Variants in AGPAT5 observed in about 807,000 individuals in gnomAD.
The protein encoded by AGPAT5 is 1-acyl-sn-glycerol-3-phosphate acyltransferase epsilon.
AGPAT5 carries 46 observed loss-of-function variants against 45.6 expected under a neutral mutation model. That is an observed-to-expected ratio of 1.01 (90% confidence interval 0.80 to 1.29). AGPAT5 has a LOEUF of 1.29. AGPAT5 is among the 50% of genes most tolerant of loss of function. The pLI, the probability that AGPAT5 is intolerant of heterozygous loss-of-function variation, is 0.00. For missense variants in AGPAT5, 673 were observed against 450.7 expected (o/e 1.49, Z -4.47); for synonymous variants, 272 against 167.0 (o/e 1.63, Z -4.85).
chr8:6,713,376 C>A (rs1800218504), intron 1 of AGPAT5, among the ~76,000 whole-genome samples: 1 of 152,092 alleles, frequency 6.6e-6, no homozygotes, highest in African/African-American at 2.4e-5. Flanking sequence ...TGCTAATTCC[C>A]CCTTCTCCAA....
chr8:6,723,389 G>A (rs939169870), intron 1 of AGPAT5, among the ~76,000 whole-genome samples: 1 of 152,188 alleles, frequency 6.6e-6, no homozygotes, highest in African/African-American at 2.4e-5. Context: ...GTCTGGCTGT[G>A]CTGCCCATGC....
chr8:6,750,150 C>G (rs1160927416), intron 6 of AGPAT5, among the ~76,000 whole-genome samples: 1 of 152,244 alleles, frequency 6.6e-6, no homozygotes, highest in East Asian at 1.9e-4. Context: ...TAGCACTGTG[C>G]CTTCTCCTGC....
Position 6,730,756 on chromosome 8 carries a change from T to C in AGPAT5, c.335T>C (p.Leu112Pro), listed in dbSNP as rs372429394. The change falls in exon 3 of 8, where the codon CTA becomes CCA. Residue 112 changes from leucine (L) to proline (P), a missense_variant. Leu to Pro is a moderately conservative substitution (Grantham distance 98, BLOSUM62 -3). Coordinates refer to ENST00000285518, the MANE Select transcript of AGPAT5 (RefSeq NM_018361.5). Reference sequence around the variant, plus strand: ...ATCTTGGCCATCAGGCAGAATGCGCTAGGACATGTGCGCTACGTGCTGAAA... The same window carrying C: ...ATCTTGGCCATCAGGCAGAATGCGCCAGGACATGTGCGCTACGTGCTGAAA... Reference protein sequence around the residue: ...ADILAIRQNALGHVRYVLKEG... With the variant: ...ADILAIRQNAPGHVRYVLKEG... 1.9e-6 allele frequency: 3 copies of C among 1,613,732 alleles called. No homozygotes were observed. The highest frequency in any genetic ancestry group is 2.5e-6 in the Non-Finnish European group (3 of 1,179,684).
At chr8:6,720,787 CTTG>C (rs1404757652) in intron 1 of AGPAT5, among the ~76,000 whole-genome samples, 2 of 152,100 alleles carry the variant, frequency 1.3e-5, no homozygotes, top group African/African-American at 4.8e-5. Flanking sequence ...GGAAAAACCC[CTTG>C]TTGTTTCTTG....
At chr8:6,737,799 C>T (rs941916834) in intron 4 of AGPAT5, among the ~76,000 whole-genome samples, 3 of 152,148 alleles carry the variant, frequency 2.0e-5, no homozygotes, top group Admixed American at 2.0e-4. Flanking sequence ...GGATAACTTG[C>T]TATAGCTTAT....
chr8:6,742,123 T>G (rs145544786), intron 5 of AGPAT5, among the ~76,000 whole-genome samples: 23 of 152,328 alleles, frequency 1.5e-4, no homozygotes, highest in African/African-American at 5.0e-4. Context: ...TCCAAACTCG[T>G]ACTTTTATTA....
chr8:6,738,185 A>G (rs971734212), intron 4 of AGPAT5, among the ~76,000 whole-genome samples: 8 of 151,662 alleles, frequency 5.3e-5, no homozygotes, highest in Admixed American at 1.3e-4. Context: ...GGCTTTCAAC[A>G]TACCTTCCTC....
intron 1 of AGPAT5, among the ~76,000 whole-genome samples, chr8:6,711,749 T>G (rs13259999): frequency 0.19 from 28,187 of 152,122 alleles, 2,812 homozygotes; most frequent in East Asian, 0.24. Context: ...TCCGTTCTTG[T>G]GGGTTTCAAC....
chr8:6,731,402 G>C (rs946725176), intron 3 of AGPAT5, among the ~76,000 whole-genome samples: 2 of 152,122 alleles, frequency 1.3e-5, no homozygotes, highest in African/African-American at 2.4e-5. Flanking sequence ...GAATGGGATA[G>C]TATTTGCATA....
chr8:6,710,809 T>C (rs1039626830), intron 1 of AGPAT5, among the ~76,000 whole-genome samples: 1 of 152,198 alleles, frequency 6.6e-6, no homozygotes, highest in Admixed American at 6.5e-5. Context: ...TATAGTGATG[T>C]TCTGTCACCT....
At chr8:6,752,908 T>C (rs144485720) in intron 6 of AGPAT5, among the ~76,000 whole-genome samples, 1 of 152,322 alleles carries the variant, frequency 6.6e-6, no homozygotes, top group Non-Finnish European at 1.5e-5. Context: ...TTCCACTTTG[T>C]CGCATGCTCC....
intron 1 of AGPAT5, among the ~76,000 whole-genome samples, chr8:6,715,618 C>T (rs570564375): frequency 3.8e-4 from 58 of 152,288 alleles, no homozygotes; most frequent in African/African-American, 1.3e-3. Flanking sequence ...GAGTTTCAGG[C>T]ACTTATTTTC....
At chr8:6,756,070 G>T (rs981948118) in intron 7 of AGPAT5, among the ~76,000 whole-genome samples, 4 of 152,140 alleles carry the variant, frequency 2.6e-5, no homozygotes, top group African/African-American at 9.7e-5. Context: ...TATTGCTAGG[G>T]TGTGTGATTT....
chr8:6,721,495 A>T (rs1800496447), intron 1 of AGPAT5, among the ~76,000 whole-genome samples: 1 of 152,230 alleles, frequency 6.6e-6, no homozygotes, highest in African/African-American at 2.4e-5. Context: ...GTGTTGTATG[A>T]AGTAGTTTAC....
chr8:6,754,827 A>G (rs1391200445), intron 6 of AGPAT5, among the ~76,000 whole-genome samples: 1 of 152,182 alleles, frequency 6.6e-6, no homozygotes, highest in Non-Finnish European at 1.5e-5. Flanking sequence ...ATGTAATTGT[A>G]GTTGACTTAG....
At chr8:6,722,830 AT>A (rs113481466) in intron 1 of AGPAT5, among the ~76,000 whole-genome samples, 4 of 151,828 alleles carry the variant, frequency 2.6e-5, no homozygotes, top group African/African-American at 7.3e-5. Context: ...GAAAAGAGAA[AT>A]TTTTTTTTCT....
Position 6,709,195 on chromosome 8 carries a change from C to T in AGPAT5, c.219+308C>T, listed in dbSNP as rs1217334168. On this transcript the variant is annotated intron_variant, in intron 1 of 7. Coordinates refer to ENST00000285518, the MANE Select transcript of AGPAT5 (RefSeq NM_018361.5). Reference sequence around the variant, plus strand: ...CAGATGCACGTTTTAAATAATAGGGCACGCGTTTAGCAGTTTCTGGCCTTT... The same window carrying T: ...CAGATGCACGTTTTAAATAATAGGGTACGCGTTTAGCAGTTTCTGGCCTTT... The T allele has an allele frequency of 1.6e-5, 7 of 438,222 alleles. No individual in the cohort carries two copies. The East Asian group carries it at 3.0e-4, about 19-fold the overall frequency. The allele number at this position is 438,222 out of a possible 1,614,324, so 27.1% of individuals were successfully genotyped here.
intron 1 of AGPAT5, among the ~76,000 whole-genome samples, chr8:6,709,765 T>C (rs1800085309): frequency 2.0e-5 from 3 of 152,080 alleles, no homozygotes; most frequent in Admixed American, 6.5e-5. Flanking sequence ...CTGTGGTCAG[T>C]CAGGTACTAT....
In AGPAT5 at chr8:6,730,761, C is replaced by A. The variant is rs552205808; in HGVS notation, c.340C>A (p.His114Asn). 218 of 1,613,554 alleles carry A rather than the reference C, an allele frequency of 1.4e-4. 2 individuals carry two copies. In the South Asian group the frequency reaches 2.2e-3, roughly 17 times the overall value. The change falls in exon 3 of 8, where the codon CAT (histidine) becomes AAT (asparagine). Residue 114 changes from histidine to asparagine, a missense_variant. By Grantham distance (68) the His-to-Asn change is moderately conservative. Transcript: ENST00000285518. Reference sequence around the variant, plus strand: ...GGCCATCAGGCAGAATGCGCTAGGACATGTGCGCTACGTGCTGAAAGAAGG... The same window carrying A: ...GGCCATCAGGCAGAATGCGCTAGGAAATGTGCGCTACGTGCTGAAAGAAGG... ...ILAIRQNALG[H>N]VRYVLKEGLK... is the part of the protein sequence containing the mutation.
Sources: allele counts gnomAD v4.1 joint callset (sites outside exome capture counted in the v4.1 genomes callset), GRCh38; gene constraint gnomAD v4.1.1; transcripts MANE v1.5; gene names NCBI Gene and HGNC (gene_info 2026-07-23, HGNC 2026-07-21).